The following ENDOV variants were observed in gnomAD, a reference collection of about 807,000 sequenced individuals.
ENDOV encodes the protein hEndoV.
Under a neutral mutation model 39.4 loss-of-function variants are expected in ENDOV, and 37 were observed. The observed-to-expected ratio is 0.94, with a 90% CI of 0.72 to 1.23. The LOEUF (loss-of-function observed/expected upper bound fraction) is 1.23, where lower values mean the gene tolerates loss of function less well. Ranked by LOEUF, ENDOV falls within the 50% of genes most tolerant of loss-of-function variation. The pLI, the probability that ENDOV is intolerant of heterozygous loss-of-function variation, is 0.00. For missense variants in ENDOV, 441 were observed against 375.7 expected, an observed-to-expected ratio of 1.17 and a Z score of -1.44; for synonymous variants, 186 against 163.4, an observed-to-expected ratio of 1.14 and a Z score of -1.05.
rs1417387932 is a variant in ENDOV at position 80,422,339 on chromosome 17, T to C, written c.403+94T>C. On this transcript the variant is annotated intron_variant, in intron 4 of 9. Transcript: ENST00000518137. ...GTCCCCCACAGAAAATGCTGGGCCCTCGGCCTCTGCCGCCAGCCCCCTCCA... is the reference window on the plus strand; with the variant it reads ...GTCCCCCACAGAAAATGCTGGGCCCCCGGCCTCTGCCGCCAGCCCCCTCCA... 11 of 1,469,170 alleles carry C rather than the reference T, an allele frequency of 7.5e-6. No homozygotes were observed. In the East Asian group the frequency reaches 2.6e-4, roughly 35 times the overall value. The allele number at this position is 1,469,170 out of a possible 1,614,324, so 91.0% of individuals were successfully genotyped here.
intron 9 of ENDOV, chr17:80,433,079 C>T (rs1471463804): frequency 3.8e-6 from 2 of 519,570 alleles, no homozygotes; most frequent in Admixed American, 1.9e-5. Context: ...ACAGAATGCC[C>T]TCCTGACTTC....
At chr17:80,426,755 A>C (rs1257921755) in intron 7 of ENDOV, among the ~76,000 whole-genome samples, 1 of 152,250 alleles carries the variant, frequency 6.6e-6, no homozygotes, top group East Asian at 1.9e-4. Context: ...GGGGTGCGCC[A>C]GGGTTTCAGA....
At position 80,429,761 on chromosome 17, in the gene ENDOV, T is replaced by C; in HGVS notation, c.780-12T>C. Reference sequence around the variant, plus strand: ...GCATCTGATGCTGTCCCTTTCTCAATGTCATCACCAGGAGCCCGAAGGCGC... The same window carrying C: ...GCATCTGATGCTGTCCCTTTCTCAACGTCATCACCAGGAGCCCGAAGGCGC... On this transcript the variant is annotated splice_polypyrimidine_tract_variant and intron_variant, in intron 8 of 9. Transcript: ENST00000518137. The C allele has an allele frequency of 1.3e-6, 2 of 1,595,440 alleles. No individual in the cohort carries two copies. The highest frequency in any genetic ancestry group is 1.7e-6 in the Non-Finnish European group (2 of 1,173,092).
At chr17:80,422,006 C>G in intron 3 of ENDOV, 44 bp downstream of exon 3, 1 of 1,598,164 alleles carries the variant, frequency 6.3e-7, no homozygotes, top group South Asian at 1.1e-5. Context: ...CCCTCCTTCC[C>G]CCTGGGGGAG....
At position 80,421,936 on chromosome 17, in the gene ENDOV, G is replaced by C. The variant is rs748840023; in HGVS notation, c.337G>C (p.Glu113Gln). 6.2e-7 allele frequency: 1 copy of C among 1,610,430 alleles called. No individual in the cohort carries two copies. The highest frequency in any genetic ancestry group is 8.5e-7 in the Non-Finnish European group (1 of 1,179,682). The change falls in exon 3 of 10, where the codon GAG becomes CAG. Residue 113 changes from glutamate (E) to glutamine (Q), a missense_variant. Glu to Gln is a conservative substitution (Grantham distance 29, BLOSUM62 2). Transcript: ENST00000518137. ...GCTGGAGCTGGTGCAGCAGCTGCGGGAGAAGGAGCCGGGCCTCATGCCCCA... is the reference window on the plus strand; with the variant it reads ...GCTGGAGCTGGTGCAGCAGCTGCGGCAGAAGGAGCCGGGCCTCATGCCCCA... ...FLLELVQQLR[E>Q]KEPGLMPQVL... is the part of the protein sequence containing the mutation.
At chr17:80,419,184 A>C (rs908303514) in intron 2 of ENDOV, among the ~76,000 whole-genome samples, 2 of 151,956 alleles carry the variant, frequency 1.3e-5, no homozygotes, top group African/African-American at 2.4e-5. Context: ...AAAAAAAAAA[A>C]AAAAACAGAT....
intron 4 of ENDOV, among the ~76,000 whole-genome samples, chr17:80,422,913 A>T (rs1260696565): frequency 6.6e-6 from 1 of 151,974 alleles, no homozygotes; most frequent in Non-Finnish European, 1.5e-5. Context: ...GTTAGCCAGG[A>T]TGGTCTTGAT....
chr17:80,415,421 C>T (rs971148923), intron 1 of ENDOV, 171 bp downstream of exon 1: 2 of 1,020,816 alleles, frequency 2.0e-6, no homozygotes, highest in African/African-American at 3.2e-5. Context: ...GAATTGTAGT[C>T]CGCGGGGTGG....
At chr17:80,433,004 G>T in intron 9 of ENDOV, 1 of 431,418 alleles carries the variant, frequency 2.3e-6, no homozygotes, top group South Asian at 1.7e-5. Context: ...TAGGACCCTT[G>T]GGAGGCTCAG....
chr17:80,420,223 A>T (rs1277048902), intron 2 of ENDOV: 1 of 153,412 alleles, frequency 6.5e-6, no homozygotes, highest in Non-Finnish European at 1.5e-5. Flanking sequence ...TACACATCAT[A>T]GTCATCCCAT....
rs371311997 is a variant in ENDOV at position 80,421,872 on chromosome 17, C to A, written c.273C>A (p.Tyr91Ter). The A allele has an allele frequency of 6.8e-6, 11 of 1,606,140 alleles. No homozygotes were observed. In the East Asian group the frequency reaches 2.0e-4, roughly 29 times the overall value. The change falls in exon 3 of 10, where the codon TAC becomes TAA. Residue 91 changes from tyrosine (Y) to a stop codon, truncating the protein, a stop_gained. Coordinates refer to ENST00000518137, the MANE Select transcript of ENDOV (RefSeq NM_173627.5). LOFTEE classifies it high-confidence loss of function. ...ESRMVSLTAP[Y>*]VSGFLAFREV... ...GCATGGTCAGCCTCACAGCCCCCTACGTGTCGGGCTTCCTGGCCTTCCGAG... is the reference window on the plus strand; with the variant it reads ...GCATGGTCAGCCTCACAGCCCCCTAAGTGTCGGGCTTCCTGGCCTTCCGAG...
chr17:80,422,234 T>C lies in ENDOV; in HGVS notation c.392T>C (p.Leu131Pro), dbSNP rs999416274. The change falls in exon 4 of 10, where the codon CTC (leucine) becomes CCC (proline). Residue 131 changes from leucine to proline, a missense_variant. By Grantham distance (98) the Leu-to-Pro change is moderately conservative. Transcript: ENST00000518137. ...QVLLVDGNGV[L>P]HHRGFGVACH... ...CTTCTTGTGGATGGAAACGGGGTAC[T>C]CCACCACCGAGGTAATCCTGCTCTT... 1.2e-6 allele frequency: 2 copies of C among 1,613,274 alleles called. No individual in the cohort carries two copies. The highest frequency in any genetic ancestry group is 1.7e-6 in the Non-Finnish European group (2 of 1,179,730).
rs762365960 is a variant in ENDOV, at chr17:80,436,163, C to T, written c.*20C>T. ...TGTTGAACGTGGTGGTGAGAGCACA[C>T]GTCCTCGTCTCATTCCTGATCGAAC... On this transcript the variant is annotated 3_prime_UTR_variant, in exon 10 of 10. Transcript: ENST00000518137. The T allele has an allele frequency of 6.5e-5, 104 of 1,603,520 alleles. No individual in the cohort carries two copies. Among genetic ancestry groups the T allele is most frequent in the East Asian group, 3.4e-4 (15 of 44,404 alleles).
At chr17:80,426,329 C>T (rs1444298899) in intron 7 of ENDOV, among the ~76,000 whole-genome samples, 1 of 152,150 alleles carries the variant, frequency 6.6e-6, no homozygotes, top group Non-Finnish European at 1.5e-5. Context: ...GAAGGACAGC[C>T]CTGGGCAGGA....
intron 1 of ENDOV, 65 bp from the exon 2 acceptor site, chr17:80,415,585 C>T: frequency 1.3e-6 from 2 of 1,553,144 alleles, no homozygotes; most frequent in Non-Finnish European, 1.7e-6. Flanking sequence ...GCTGCAGCCG[C>T]GCGGGTGGAG....
chr17:80,415,916 C>A, intron 2 of ENDOV, 95 bp downstream of exon 2: 1 of 1,450,290 alleles, frequency 6.9e-7, no homozygotes, highest in Non-Finnish European at 9.2e-7. Context: ...TAGAACCCGG[C>A]TTCTCGTTTT....
rs1273389374 is a variant in ENDOV at position 80,423,544 on chromosome 17, G to A, written c.428G>A (p.Gly143Asp). 1.3e-6 allele frequency: 2 copies of A among 1,554,090 alleles called. No homozygotes were observed. Among genetic ancestry groups the A allele is most frequent in the South Asian group, 1.2e-5 (1 of 84,124 alleles). The change falls in exon 5 of 10, where the codon GGC becomes GAC. Residue 143 changes from glycine to aspartate, a missense_variant. Transcript: ENST00000518137. ...GGCTTTGGGGTGGCCTGCCACCTTG[G>A]CGTCCTTACAGACCTGCCGTGTGTT... is the stretch of plus-strand genomic sequence containing the variant. ...HRGFGVACHL[G>D]VLTDLPCVGV...
At chr17:80,429,959 C>T (rs561921744) in intron 9 of ENDOV, 128 bp downstream of exon 9, 23 of 1,561,854 alleles carry the variant, frequency 1.5e-5, no homozygotes, top group South Asian at 3.5e-5. Flanking sequence ...AGAAGGCCAC[C>T]GGCCACCCCG....
chr17:80,428,906 G>A (rs757496575), intron 8 of ENDOV, among the ~76,000 whole-genome samples: 3 of 152,210 alleles, frequency 2.0e-5, no homozygotes, highest in Non-Finnish European at 2.9e-5. Flanking sequence ...TGGAACTACG[G>A]CCCTGTCTGG....
Sources: gnomAD v4.1 joint callset for allele counts (sites outside exome capture counted in the v4.1 genomes callset) on GRCh38, gnomAD v4.1.1 for gene constraint, MANE v1.5 for transcripts, NCBI Gene and HGNC (gene_info 2026-07-23, HGNC 2026-07-21) for gene names.